SLIT3: variants seen among roughly 807,000 people sequenced by gnomAD.
SLIT3 encodes the protein slit homolog 3 protein.
SLIT3 carries 68 observed loss-of-function variants against 184.0 expected under a neutral mutation model. That is an observed-to-expected ratio of 0.37 (90% confidence interval 0.30 to 0.45). The LOEUF (loss-of-function observed/expected upper bound fraction) is 0.45. Among genes scored for constraint, SLIT3 ranks in the 20% least tolerant of loss-of-function variants. SLIT3 has a pLI of 1.00. For synonymous variants in SLIT3, 831 were observed against 828.6 expected, an observed-to-expected ratio of 1.00 and a Z score of -0.05; for missense variants, 1,707 against 2,026.0, an observed-to-expected ratio of 0.84 and a Z score of 3.02.
In SLIT3 at chr5:169,236,908, A is replaced by C. The variant is rs143661969; in HGVS notation, c.341+7797T>G. ...AGTTGATACTGATGTCTCAAACTCT[A>C]GTCCATTCCCACATATTCTAGCTTT... is the stretch of plus-strand genomic sequence containing the variant. On this transcript the variant is annotated intron_variant, in intron 3 of 35. Transcript: ENST00000519560. 2.6e-5 allele frequency among the ~76,000 whole-genome samples: 4 copies of C among 152,344 alleles called. No individual in the cohort carries two copies. The East Asian group carries it at 7.7e-4, about 29-fold the overall frequency.
chr5:169,187,953 CAGA>C (rs1485979451), intron 4 of SLIT3, among the ~76,000 whole-genome samples: 5 of 152,002 alleles, frequency 3.3e-5, no homozygotes, highest in African/African-American at 1.2e-4. Context: ...TGGTAAAAGA[CAGA>C]AGGTGTATTT....
At chr5:169,240,636 T>C (rs1007353293) in intron 3 of SLIT3, among the ~76,000 whole-genome samples, 1 of 151,032 alleles carries the variant, frequency 6.6e-6, no homozygotes, top group African/African-American at 2.4e-5. Flanking sequence ...TTTAATGTTA[T>C]TCTTTTGTAA....
At chr5:168,795,944 A>C (rs1756550241) in intron 9 of SLIT3, among the ~76,000 whole-genome samples, 1 of 152,194 alleles carries the variant, frequency 6.6e-6, no homozygotes, top group African/African-American at 2.4e-5. Context: ...AGGAAGAGTA[A>C]AAAGAGATGG....
intron 8 of SLIT3, among the ~76,000 whole-genome samples, chr5:168,812,070 A>C (rs922818087): frequency 1.3e-5 from 2 of 152,226 alleles, no homozygotes; most frequent in Non-Finnish European, 2.9e-5. Context: ...ATGGAACCGG[A>C]GGACGTTATG....
chr5:168,692,502 G>A, intron 29 of SLIT3, 105 bp downstream of exon 29: 1 of 699,220 alleles, frequency 1.4e-6, no homozygotes, highest in Non-Finnish European at 2.5e-6. Context: ...AAGCACATGA[G>A]AGAGAGAGAG....
intron 20 of SLIT3, among the ~76,000 whole-genome samples, chr5:168,739,843 A>G (rs1239047572): frequency 6.6e-6 from 1 of 152,256 alleles, no homozygotes; most frequent in African/African-American, 2.4e-5. Context: ...AGATATGAAA[A>G]TTGAGCTGTC....
Position 168,760,917 on chromosome 5 carries a change from C to G in SLIT3, c.1630G>C (p.Val544Leu). Reference sequence around the variant, plus strand: ...ATGCCAGTGGCCTCCAGAACAGATACCTCATTGTCATTCAGTCGCCTGTGT... The same window carrying G: ...ATGCCAGTGGCCTCCAGAACAGATAGCTCATTGTCATTCAGTCGCCTGTGT... ...VTDLRLNDNE[V>L]SVLEATGIFK... is the part of the protein sequence containing the mutation. The change falls in exon 16 of 36, where the codon GTA becomes CTA. Residue 544 changes from valine (V) to leucine (L), a missense_variant. Coordinates refer to ENST00000519560, the MANE Select transcript of SLIT3 (RefSeq NM_003062.4). 1 of 1,613,918 alleles carries G rather than the reference C, an allele frequency of 6.2e-7. No homozygotes were observed. Among genetic ancestry groups the G allele is most frequent in the Non-Finnish European group, 8.5e-7 (1 of 1,179,818 alleles).
intron 5 of SLIT3, among the ~76,000 whole-genome samples, chr5:168,852,440 G>C: frequency 6.6e-6 from 1 of 152,216 alleles, no homozygotes; most frequent in East Asian, 1.9e-4. Flanking sequence ...CCAGAGCTGA[G>C]ACATTTCTTC....
At chr5:168,909,978 A>C (rs1761201194) in intron 4 of SLIT3, among the ~76,000 whole-genome samples, 1 of 152,148 alleles carries the variant, frequency 6.6e-6, no homozygotes, top group South Asian at 2.1e-4. Context: ...CCATTCACTA[A>C]ATTTGTTACA....
chr5:168,987,194 C>T lies in SLIT3; in HGVS notation c.414-103858G>A, dbSNP rs893920296. Among the ~76,000 whole-genome samples, 28 of 152,228 alleles carry T rather than the reference C, an allele frequency of 1.8e-4. 1 individual carries two copies. The highest frequency in any genetic ancestry group is 4.1e-4 in the South Asian group (2 of 4,826). ...CCCACCTTCCCCTTAACCTGGAATC[C>T]TGACAACTCTAGTTCTCTCTCCCTC... On this transcript the variant is annotated intron_variant, in intron 4 of 35. Transcript: ENST00000519560.
chr5:169,056,770 T>C (rs1160696), intron 4 of SLIT3, among the ~76,000 whole-genome samples: 1 of 152,168 alleles, frequency 6.6e-6, no homozygotes, highest in African/African-American at 2.4e-5. Context: ...GAGCTGACGG[T>C]GCCCTGTGGC....
At chr5:168,718,506 G>C (rs1762822180) in intron 23 of SLIT3, among the ~76,000 whole-genome samples, 1 of 152,100 alleles carries the variant, frequency 6.6e-6, no homozygotes, top group Non-Finnish European at 1.5e-5. Context: ...AAAGATCAGG[G>C]AATGCATGGA....
At chr5:169,225,428 C>T (rs937749422) in intron 3 of SLIT3, among the ~76,000 whole-genome samples, 2 of 152,206 alleles carry the variant, frequency 1.3e-5, no homozygotes, top group Admixed American at 6.5e-5. Flanking sequence ...CAAAGCAGGA[C>T]GCTGCTCACT....
intron 20 of SLIT3, among the ~76,000 whole-genome samples, chr5:168,725,854 G>C (rs1581008823): frequency 1.3e-5 from 2 of 152,182 alleles, no homozygotes; most frequent in African/African-American, 4.8e-5. Context: ...AACAGAATAT[G>C]GGTCAAGGTG....
chr5:168,756,580 C>T (rs1754955722), intron 16 of SLIT3, among the ~76,000 whole-genome samples: 1 of 152,220 alleles, frequency 6.6e-6, no homozygotes, highest in Non-Finnish European at 1.5e-5. Context: ...TTTCCACTCC[C>T]TGCCTGGTTC....
Position 168,753,129 on chromosome 5 carries a change from A to C in SLIT3, c.1830-31T>G, listed in dbSNP as rs560070408. The stretch of plus-strand genomic sequence containing the variant: ...GGGAGAGGGGTGGGGATGAGAGAGC[A>C]CAGGCATGATCTTTTCTGTCCCAAA... On this transcript the variant is annotated intron_variant, in intron 17 of 35. Coordinates refer to ENST00000519560, the MANE Select transcript of SLIT3 (RefSeq NM_003062.4). 7.4e-6 allele frequency: 12 copies of C among 1,611,772 alleles called. No individual in the cohort carries two copies. The East Asian group carries it at 2.2e-4, about 30-fold the overall frequency.
chr5:169,071,180 G>A (rs1426558936), intron 4 of SLIT3, among the ~76,000 whole-genome samples: 3 of 152,172 alleles, frequency 2.0e-5, no homozygotes, highest in Non-Finnish European at 4.4e-5. Context: ...TTGATAAGTG[G>A]GGTTATCACG....
At chr5:169,043,897 T>C (rs1757532501) in intron 4 of SLIT3, among the ~76,000 whole-genome samples, 1 of 152,218 alleles carries the variant, frequency 6.6e-6, no homozygotes, top group South Asian at 2.1e-4. Context: ...ATGCAGACTC[T>C]GGTCAAGTCA....
intron 4 of SLIT3, among the ~76,000 whole-genome samples, chr5:169,175,208 AC>A (rs1762941542): frequency 6.6e-6 from 1 of 152,226 alleles, no homozygotes; most frequent in Non-Finnish European, 1.5e-5. Context: ...ACTGATACTT[AC>A]AATACACCAT....
Sources: gnomAD v4.1 joint callset for allele counts (sites outside exome capture counted in the v4.1 genomes callset) on GRCh38, gnomAD v4.1.1 for gene constraint, MANE v1.5 for transcripts, NCBI Gene and HGNC (gene_info 2026-07-23, HGNC 2026-07-21) for gene names.